Variants in NEK11 observed in about 807,000 individuals in gnomAD.
NEK11 encodes the protein serine/threonine-protein kinase Nek11.
In NEK11, 72 loss-of-function variants were observed where a neutral mutation model predicts 80.7. The ratio of observed to expected loss-of-function variants is 0.89; its 90% CI spans 0.74 to 1.08. The LOEUF is 1.08. NEK11 is among the 50% of genes least tolerant of loss of function. The pLI, the probability that NEK11 is intolerant of heterozygous loss-of-function variation, is 0.00. For synonymous variants in NEK11, 251 were observed against 260.7 expected (o/e 0.96, Z 0.36); for missense variants, 764 against 763.6 (o/e 1.00, Z -0.01).
In NEK11 at chr3:131,208,592, A is replaced by G. The variant is rs372917953; in HGVS notation, c.1400-19936A>G. Among the ~76,000 whole-genome samples, 66 of 152,334 alleles carry G rather than the reference A, an allele frequency of 4.3e-4. 2 individuals carry two copies. In the South Asian group the frequency reaches 0.013, roughly 29 times the overall value. On this transcript the variant is annotated intron_variant, in intron 14 of 17. Transcript: ENST00000383366. ...TTCACGATATTGATTCTTCCTATCC[A>G]TGAGCATGGAATGTTCTTCCATTTG...
At chr3:131,177,663 G>A (rs564781731) in intron 14 of NEK11, among the ~76,000 whole-genome samples, 1 of 152,290 alleles carries the variant, frequency 6.6e-6, no homozygotes, top group East Asian at 1.9e-4. Context: ...CTGCCTTACA[G>A]TACTGAGGTT....
intron 12 of NEK11, among the ~76,000 whole-genome samples, chr3:131,167,835 C>G (rs972804282): frequency 2.0e-5 from 3 of 152,212 alleles, no homozygotes; most frequent in Non-Finnish European, 4.4e-5. Context: ...GCAAAGGGAG[C>G]AGGAGGGGAA....
At chr3:131,224,466 TG>T (rs1456530298) in intron 14 of NEK11, among the ~76,000 whole-genome samples, 6 of 152,296 alleles carry the variant, frequency 3.9e-5, no homozygotes, top group Non-Finnish European at 8.8e-5. Flanking sequence ...TGACCTCTGG[TG>T]ATCTGCCTGC....
chr3:131,283,882 T>C (rs2096436115), intron 17 of NEK11, among the ~76,000 whole-genome samples: 1 of 152,170 alleles, frequency 6.6e-6, no homozygotes, highest in Non-Finnish European at 1.5e-5. Flanking sequence ...TGGTTCTAAA[T>C]TTATATGTCG....
At chr3:131,142,961 CAAT>C (rs1422248801) in intron 7 of NEK11, among the ~76,000 whole-genome samples, 1 of 152,032 alleles carries the variant, frequency 6.6e-6, no homozygotes, top group Non-Finnish European at 1.5e-5. Flanking sequence ...CTTGTTTTGT[CAAT>C]AATTTTATGG....
At chr3:131,341,164 A>G (rs551812657) in intron 17 of NEK11, among the ~76,000 whole-genome samples, 6 of 152,348 alleles carry the variant, frequency 3.9e-5, no homozygotes, top group Admixed American at 1.3e-4. Flanking sequence ...ATTGCAGAAT[A>G]TAGTGTGTTT....
At chr3:131,187,532 T>A (rs1446129976) in intron 14 of NEK11, among the ~76,000 whole-genome samples, 2 of 152,184 alleles carry the variant, frequency 1.3e-5, no homozygotes, top group Non-Finnish European at 2.9e-5. Flanking sequence ...ACTGACAACA[T>A]GTGTCAATAA....
chr3:131,165,887 C>G (rs1270882956), intron 12 of NEK11, among the ~76,000 whole-genome samples: 2 of 152,162 alleles, frequency 1.3e-5, no homozygotes, highest in African/African-American at 4.8e-5. Flanking sequence ...ACATTGTTCT[C>G]TTTGTCTGGT....
chr3:131,155,214 C>G (rs932360543), intron 10 of NEK11, 93 bp downstream of exon 10: 1 of 781,996 alleles, frequency 1.3e-6, no homozygotes. Context: ...CTGACTGCAT[C>G]GAGTATCCTA....
intron 10 of NEK11, among the ~76,000 whole-genome samples, chr3:131,157,678 G>C (rs2090908031): frequency 6.6e-6 from 1 of 152,150 alleles, no homozygotes; most frequent in Non-Finnish European, 1.5e-5. Context: ...ACTGAGAGTG[G>C]TTGGAGAGAA....
intron 17 of NEK11, among the ~76,000 whole-genome samples, chr3:131,288,744 G>A (rs532020223): frequency 3.9e-4 from 59 of 151,956 alleles, no homozygotes; most frequent in East Asian, 1.9e-3. Flanking sequence ...GAGCCACCGC[G>A]CCCCGCCTAT....
chr3:131,064,542 A>G (rs1324820491), intron 3 of NEK11, among the ~76,000 whole-genome samples: 1 of 152,148 alleles, frequency 6.6e-6, no homozygotes, highest in African/African-American at 2.4e-5. Context: ...ATACAGTTAC[A>G]TTCTGAGGCA....
At chr3:131,174,979 A>T in intron 14 of NEK11, 1 of 1,376,178 alleles carries the variant, frequency 7.3e-7, no homozygotes, top group Non-Finnish European at 9.4e-7. Flanking sequence ...ACTGAGCCCA[A>T]TGCTCAGAGA....
In NEK11 at chr3:131,139,818, C is replaced by A. The variant is rs75820689; in HGVS notation, c.647+5862C>A. Among the ~76,000 whole-genome samples the A allele has an allele frequency of 3.8e-3, 574 of 152,294 alleles. 25 individuals carry two copies. The East Asian group carries it at 0.093, about 25-fold the overall frequency. ...CTTGGAATCCCTAGTTGAGACTAGTCTTTCTATAGGAAGTCAAATTGGGAT... is the reference window on the plus strand; with the variant it reads ...CTTGGAATCCCTAGTTGAGACTAGTATTTCTATAGGAAGTCAAATTGGGAT... On this transcript the variant is annotated intron_variant, in intron 7 of 17. Transcript: ENST00000383366.
intron 15 of NEK11, among the ~76,000 whole-genome samples, chr3:131,232,012 C>A (rs1220018071): frequency 1.3e-5 from 2 of 152,174 alleles, no homozygotes; most frequent in African/African-American, 4.8e-5. Context: ...TTGTGCCACC[C>A]ATGACAATCT....
chr3:131,317,188 C>T (rs1350271878), intron 17 of NEK11, among the ~76,000 whole-genome samples: 1 of 152,200 alleles, frequency 6.6e-6, no homozygotes, highest in Non-Finnish European at 1.5e-5. Context: ...GCCACTTAAA[C>T]CTAGGACAGT....
intron 17 of NEK11, among the ~76,000 whole-genome samples, chr3:131,294,459 A>G (rs1004200161): frequency 2.7e-5 from 4 of 150,792 alleles, no homozygotes; most frequent in East Asian, 2.0e-4. Flanking sequence ...AAAAAAGTCT[A>G]TGGCTTTTAT....
intron 17 of NEK11, among the ~76,000 whole-genome samples, chr3:131,307,030 A>G (rs2109321722): frequency 6.6e-6 from 1 of 152,166 alleles, no homozygotes; most frequent in South Asian, 2.1e-4. Context: ...CACCTCTCTA[A>G]TGGATCCTAA....
chr3:131,117,190 T>A (rs1157509201), intron 5 of NEK11, among the ~76,000 whole-genome samples: 11 of 152,264 alleles, frequency 7.2e-5, no homozygotes, highest in Admixed American at 1.3e-4. Flanking sequence ...AGCTTTCTAC[T>A]TATGGCTAGC....
Sources: allele counts gnomAD v4.1 joint callset (sites outside exome capture counted in the v4.1 genomes callset), GRCh38; gene constraint gnomAD v4.1.1; transcripts MANE v1.5; gene names NCBI Gene and HGNC (gene_info 2026-07-23, HGNC 2026-07-21).